The following BOC variants were observed in gnomAD, a reference collection of about 807,000 sequenced individuals.
BOC encodes the protein BOC cell adhesion associated, oncogene regulated, also known as brother of CDO.
In BOC, 76 loss-of-function variants were observed where a neutral mutation model predicts 112.0. That is an observed-to-expected ratio of 0.68 (90% CI 0.56 to 0.82). The LOEUF (loss-of-function observed/expected upper bound fraction) is 0.82, where lower values mean the gene tolerates loss of function less well. Ranked by LOEUF, BOC falls within the 40% of genes least tolerant of loss-of-function variation. The probability of loss-of-function intolerance (pLI) is 0.00; values close to 1 mark genes in which losing one functional copy is unlikely to be tolerated. For synonymous variants in BOC, 580 were observed against 599.8 expected, an observed-to-expected ratio of 0.97 and a Z score of 0.48; for missense variants, 1,309 against 1,511.7, an observed-to-expected ratio of 0.87 and a Z score of 2.22.
In BOC at chr3:113,278,187, G is replaced by A; in HGVS notation, c.1635G>A (p.Leu545=). The change falls in exon 10 of 20, where the codon TTG becomes TTA. Residue 545 remains leucine (L), a synonymous_variant. Transcript: ENST00000682979. The surrounding 1 kb of genome is among the most constrained non-coding windows in gnomAD (Gnocchi z 4.2). ...LTLTRLDPGS[L]YEVEMAAYNC... ...TCACCAGACTTGACCCCGGGAGCTT[G>A]TATGAAGTGGAGATGGCAGCTTACA... The A allele has an allele frequency of 6.2e-7, 1 of 1,614,218 alleles. No individual in the cohort carries two copies. The highest frequency in any genetic ancestry group is 8.5e-7 in the Non-Finnish European group (1 of 1,180,042).
At chr3:113,250,117 G>A (rs1329985937) in intron 3 of BOC, among the ~76,000 whole-genome samples, 1 of 152,222 alleles carries the variant, frequency 6.6e-6, no homozygotes, top group South Asian at 2.1e-4. Context: ...TATACCGGAG[G>A]AGGAGGAGAA....
chr3:113,266,392 C>A (rs1033470621), intron 4 of BOC, among the ~76,000 whole-genome samples: 1 of 152,210 alleles, frequency 6.6e-6, no homozygotes, highest in Admixed American at 6.5e-5. Flanking sequence ...ATTTATTAGA[C>A]CCATTTCACT....
Position 113,286,906 on chromosome 3 carries a change from T to TTTAA in BOC, c.*44_*45insTTAA. The stretch of plus-strand genomic sequence containing the variant: ...GAAAGACTATATATTGTTTTTTTTT[T>TTTAA]AAAAAAAAAAAGAAGAAAAAAGAGA... On this transcript the variant is annotated 3_prime_UTR_variant, in exon 20 of 20. Coordinates refer to ENST00000682979, the MANE Select transcript of BOC (RefSeq NM_001378074.1). The TTTAA allele has an allele frequency of 1.6e-6, 2 of 1,254,620 alleles. No individual in the cohort carries two copies. Among genetic ancestry groups the TTTAA allele is most frequent in the Admixed American group, 2.6e-5 (1 of 38,856 alleles). 77.7% of individuals were successfully genotyped at this position (1,254,620 alleles called of 1,614,324 possible).
At chr3:113,270,001 CCTAGCTACAGAAT>C (rs1947937180) in intron 5 of BOC, 1 of 152,324 alleles carries the variant, frequency 6.6e-6, no homozygotes, top group East Asian at 1.9e-4. Flanking sequence ...GACTCTGCCT[CCTAGCTACAGAAT>C]CTGAACACCC....
rs111252921 is a variant in BOC, at chr3:113,277,545, T to C, written c.1543-550T>C. ...AACCTTAGTCTCCCTATTTGTGAAG[T>C]GGAAACAATATTAACACCAATCTTT... On this transcript the variant is annotated intron_variant, in intron 9 of 19. Transcript: ENST00000682979. Among the ~76,000 whole-genome samples the C allele has an allele frequency of 2.2e-3, 341 of 152,324 alleles. 1 individual carries two copies. Among genetic ancestry groups the C allele is most frequent in the African/African-American group, 7.5e-3 (311 of 41,578 alleles).
chr3:113,218,530 A>G (rs1397657967), intron 2 of BOC, among the ~76,000 whole-genome samples: 2 of 152,242 alleles, frequency 1.3e-5, no homozygotes, highest in East Asian at 3.9e-4. Context: ...AAATGCAGTC[A>G]GTCAACACAG....
intron 3 of BOC, 55 bp from the exon 4 acceptor site, chr3:113,250,500 G>A: frequency 6.5e-7 from 1 of 1,544,066 alleles, no homozygotes; most frequent in Non-Finnish European, 8.7e-7. Context: ...CTAAAAACGT[G>A]ATGTTGTTTT....
At chr3:113,241,843 C>T (rs1411395576) in intron 2 of BOC, among the ~76,000 whole-genome samples, 2 of 152,144 alleles carry the variant, frequency 1.3e-5, no homozygotes, top group Admixed American at 1.3e-4. Flanking sequence ...CTACTCCTCA[C>T]ACTTGACACT....
chr3:113,255,778 A>T (rs1052213809), intron 4 of BOC, among the ~76,000 whole-genome samples: 23 of 152,186 alleles, frequency 1.5e-4, no homozygotes, highest in African/African-American at 5.1e-4. Flanking sequence ...CCCCCTCGCC[A>T]CTCAACCTCA....
chr3:113,256,308 A>C (rs1174291074), intron 4 of BOC, among the ~76,000 whole-genome samples: 1 of 152,098 alleles, frequency 6.6e-6, no homozygotes, highest in Non-Finnish European at 1.5e-5. Context: ...GAGAGAACTA[A>C]CCCATTCCTG....
chr3:113,267,062 C>T (rs1275158789), intron 4 of BOC, among the ~76,000 whole-genome samples: 2 of 152,234 alleles, frequency 1.3e-5, no homozygotes, highest in Non-Finnish European at 2.9e-5. Context: ...AGTCCCAATG[C>T]TGTCAGTCCC....
At position 113,250,719 on chromosome 3, in the gene BOC, C is replaced by G. The variant is rs778996570; in HGVS notation, c.262C>G (p.His88Asp). Residue 88 changes from histidine to aspartate, a missense_variant, in exon 4 of 20, where the codon CAC becomes GAC. Physicochemically the swap from His to Asp is moderately conservative, Grantham distance 81. Coordinates refer to ENST00000682979, the MANE Select transcript of BOC (RefSeq NM_001378074.1). ...SDDALGVLITHGTLVITALNN... is the reference protein window; with the variant it reads ...SDDALGVLITDGTLVITALNN... ...TGATGCTCTGGGTGTCCTCATCACC[C>G]ACGGGACCCTCGTCATCACTGCCCT... 1 of 1,614,034 alleles carries G rather than the reference C, an allele frequency of 6.2e-7. No individual in the cohort carries two copies. Among genetic ancestry groups the G allele is most frequent in the Non-Finnish European group, 8.5e-7 (1 of 1,180,038 alleles).
intron 14 of BOC, 140 bp from the exon 15 acceptor site, chr3:113,280,891 G>A (rs768421195): frequency 1.7e-4 from 196 of 1,181,986 alleles, no homozygotes; most frequent in Non-Finnish European, 2.2e-4. Flanking sequence ...ATTTCCTCCA[G>A]CGTTCCTCCA....
chr3:113,278,917 G>A lies in BOC; in HGVS notation c.1816+134G>A. 1 of 760,212 alleles carries A rather than the reference G, an allele frequency of 1.3e-6. No homozygotes were observed. Among genetic ancestry groups the A allele is most frequent in the South Asian group, 1.8e-5 (1 of 56,738 alleles). The allele number at this position is 760,212 out of a possible 1,614,324, so 47.1% of individuals were successfully genotyped here. On this transcript the variant is annotated intron_variant, in intron 11 of 19. Transcript: ENST00000682979. The surrounding 1 kb of genome is among the most constrained non-coding windows in gnomAD (Gnocchi z 4.2). Reference sequence around the variant, plus strand: ...GACATCTCCCAGTTAACCACAATGAGGAAATGTAGTTTGGAGCTTTTTAAA... The same window carrying A: ...GACATCTCCCAGTTAACCACAATGAAGAAATGTAGTTTGGAGCTTTTTAAA...
Position 113,287,310 on chromosome 3 carries a change from C to CT in BOC, c.*449dup. ...ATCCGGTGCTACGGGAAACATTTTCCTAAGATGCCCATGAGAACAGACCAA... is the reference window on the plus strand; with the variant it reads ...ATCCGGTGCTACGGGAAACATTTTCCTTAAGATGCCCATGAGAACAGACCAA... On this transcript the variant is annotated 3_prime_UTR_variant, in exon 20 of 20. Transcript: ENST00000682979. The CT allele has an allele frequency of 3.3e-6, 1 of 306,340 alleles. No homozygotes were observed. The highest frequency in any genetic ancestry group is 2.2e-5 in the African/African-American group (1 of 45,726). 19.0% of individuals were successfully genotyped at this position (306,340 alleles called of 1,614,324 possible). A position where few individuals can be genotyped will look rare whatever the true frequency, so the allele number is the denominator to read the frequency against.
intron 2 of BOC, among the ~76,000 whole-genome samples, chr3:113,232,373 G>A (rs1389078535): frequency 2.0e-5 from 3 of 152,200 alleles, no homozygotes; most frequent in African/African-American, 7.2e-5. Context: ...TAAGTTTTAG[G>A]TGATTTAAAA....
chr3:113,233,148 GGTGT>G (rs59444901), intron 2 of BOC, among the ~76,000 whole-genome samples: 7,248 of 123,878 alleles, frequency 0.059, 265 homozygotes, highest in African/African-American at 0.1. Context: ...AAAGGATTGG[GGTGT>G]GTGTGTGTGT....
intron 4 of BOC, 99 bp from the exon 5 acceptor site, chr3:113,268,200 G>A (rs1947720589): frequency 1.3e-6 from 2 of 1,530,524 alleles, no homozygotes; most frequent in East Asian, 4.7e-5. Flanking sequence ...CTAGGTGTGA[G>A]CTTTGTCATG....
At position 113,268,533 on chromosome 3, in the gene BOC, C is replaced by A. The variant is rs1439861480; in HGVS notation, c.523+88C>A. The A allele has an allele frequency of 8.2e-6, 11 of 1,340,878 alleles. No individual in the cohort carries two copies. The East Asian group carries it at 1.2e-4, about 15-fold the overall frequency. The allele number at this position is 1,340,878 out of a possible 1,614,324, so 83.1% of individuals were successfully genotyped here. On this transcript the variant is annotated intron_variant, in intron 5 of 19. Coordinates refer to ENST00000682979, the MANE Select transcript of BOC (RefSeq NM_001378074.1). ...CGCTCGCTGCTCAACAAAGCTAGGG[C>A]AGCTGCTGCTGTCTCCCAAACCCCC...
Sources: gnomAD v4.1 joint callset for allele counts (sites outside exome capture counted in the v4.1 genomes callset) on GRCh38, gnomAD v4.1.1 for gene constraint, Gnocchi (gnomAD v3.1) non-coding constraint, MANE v1.5 for transcripts, NCBI Gene and HGNC (gene_info 2026-07-23, HGNC 2026-07-21) for gene names.